The following MAST1 variants were observed in gnomAD, a reference collection of about 807,000 sequenced individuals.
The protein encoded by MAST1 is microtubule-associated serine/threonine-protein kinase 1.
In MAST1, 40 loss-of-function variants were observed where a neutral mutation model predicts 124.6. The observed-to-expected ratio is 0.32, with a 90% CI of 0.25 to 0.42. The LOEUF is 0.42. Ranked by LOEUF, MAST1 falls within the 10% of genes least tolerant of loss-of-function variation. The probability of loss-of-function intolerance (pLI) is 1.00; values close to 1 mark genes in which losing one functional copy is unlikely to be tolerated. For missense variants in MAST1, 1,558 were observed against 2,181.9 expected (o/e 0.71, Z 5.70); for synonymous variants, 938 against 939.4 (o/e 1.00, Z 0.03).
At chr19:12,872,605 GT>G in intron 24 of MAST1, 1 of 152,664 alleles carries the variant, frequency 6.6e-6, no homozygotes, top group Non-Finnish European at 1.5e-5. Context: ...AGAAGAGGTT[GT>G]TTTTGGCCGG....
chr19:12,872,007 T>C (rs982716281), intron 24 of MAST1, among the ~76,000 whole-genome samples: 2 of 150,232 alleles, frequency 1.3e-5, no homozygotes, highest in African/African-American at 4.9e-5. Flanking sequence ...GAGAAAAGCA[T>C]TGTAGGAGGG....
At chr19:12,848,238 C>G (rs1022731402) in intron 7 of MAST1, 181 bp downstream of exon 7, 88 of 602,522 alleles carry the variant, frequency 1.5e-4, no homozygotes, top group Non-Finnish European at 2.3e-4. Flanking sequence ...ACTGAAGAGG[C>G]AGGAATTTCA....
At chr19:12,870,983 G>C (rs569336418) in intron 23 of MAST1, 37 bp downstream of exon 23, 2 of 1,613,612 alleles carry the variant, frequency 1.2e-6, no homozygotes, top group Non-Finnish European at 1.7e-6. Flanking sequence ...GGCGGAGGGT[G>C]GGGGAGGCCT....
At chr19:12,851,700 G>A (rs1969961779) in intron 7 of MAST1, among the ~76,000 whole-genome samples, 1 of 152,062 alleles carries the variant, frequency 6.6e-6, no homozygotes, top group African/African-American at 2.4e-5. Context: ...TGGCCAGGCT[G>A]GTTTCAAACT....
rs754487571 is a variant in MAST1 at position 12,867,970 on chromosome 19, C to T, written c.2559C>T (p.Ser853=). 5.2e-6 allele frequency: 8 copies of T among 1,547,766 alleles called. No homozygotes were observed. The South Asian group carries it at 8.6e-5, about 17-fold the overall frequency. ...AAGGCACCTCCAGCGCCGGGGACTC[C>T]GAGGCCAGTGAGTGCCCTATCGTGC... ...QGEGTSSAGD[S]EATDRPRPGD... is the part of the protein sequence containing the mutation. Residue 853 remains serine (S), a synonymous_variant, in exon 20 of 26, where the codon TCC becomes TCT. Coordinates refer to ENST00000251472, the MANE Select transcript of MAST1 (RefSeq NM_014975.3).
intron 12 of MAST1, among the ~76,000 whole-genome samples, chr19:12,863,042 G>A (rs924151925): frequency 6.6e-6 from 1 of 151,402 alleles, no homozygotes. Flanking sequence ...CCAGCTACTC[G>A]GGAGGCTGAG....
chr19:12,874,781 G>A lies in MAST1; in HGVS notation c.4624G>A (p.Gly1542Arg). The change falls in exon 26 of 26, where the codon GGG becomes AGG. Residue 1542 changes from glycine to arginine, a missense_variant. Gly to Arg is a moderately radical substitution (Grantham distance 125, BLOSUM62 -2). Around this residue, in one of 10 missense-constraint regions of MAST1, gnomAD observed 168 missense variants for 154.3 expected, o/e 1.09. Coordinates refer to ENST00000251472, the MANE Select transcript of MAST1 (RefSeq NM_014975.3). This position sits in a 1 kb window ranked among gnomAD's most constrained non-coding sequence, Gnocchi z 6.6. The part of the protein sequence containing the change: ...LLGSGTKPQV[G>R]LTSRCPAEAV... ...GGGCTCAGGCACCAAGCCTCAAGTG[G>A]GGCTGACCTCCCGGTGCCCTGCTGA... 6.2e-7 allele frequency: 1 copy of A among 1,603,722 alleles called. No homozygotes were observed. The highest frequency in any genetic ancestry group is 8.5e-7 in the Non-Finnish European group (1 of 1,172,742).
rs966281399 is a variant in MAST1, at chr19:12,865,516, G to A, written c.1804+35G>A. ...TTGGCAGTGTACAGGGGCAGAGTGTGGTGTGCACGGAGAGATGGACAGGCT... is the reference window on the plus strand; with the variant it reads ...TTGGCAGTGTACAGGGGCAGAGTGTAGTGTGCACGGAGAGATGGACAGGCT... On this transcript the variant is annotated intron_variant, in intron 15 of 25. Transcript: ENST00000251472. The surrounding 1 kb of genome is among the most constrained non-coding windows in gnomAD (Gnocchi z 7.1). 2 of 1,545,574 alleles carry A rather than the reference G, an allele frequency of 1.3e-6. No homozygotes were observed. Among genetic ancestry groups the A allele is most frequent in the Non-Finnish European group, 1.7e-6 (2 of 1,146,316 alleles).
rs765116385 is a variant in MAST1 at position 12,838,583 on chromosome 19, C to G, written c.11C>G (p.Ser4Cys). The G allele has an allele frequency of 3.1e-6, 5 of 1,605,924 alleles. No individual in the cohort carries two copies. The highest frequency in any genetic ancestry group is 1.4e-5 in the African/African-American group (1 of 73,856). The stretch of plus-strand genomic sequence containing the variant: ...CGCCGCCGCCGGGTCATGTCTGACT[C>G]TCTCTGGACCGCGCTTTCTAATTTC... Reference protein sequence around the residue: MSDSLWTALSNFSM... With the variant: MSDCLWTALSNFSM... The change falls in exon 1 of 26, where the codon TCT becomes TGT. Residue 4 changes from serine to cysteine, a missense_variant. This residue lies in a region of MAST1 where 42 missense variants were observed against 54.6 expected (regional missense o/e 0.77). Coordinates refer to ENST00000251472, the MANE Select transcript of MAST1 (RefSeq NM_014975.3). This position sits in a 1 kb window ranked among gnomAD's most constrained non-coding sequence, Gnocchi z 4.3.
At chr19:12,849,243 C>G (rs1057070222) in intron 7 of MAST1, among the ~76,000 whole-genome samples, 1 of 152,056 alleles carries the variant, frequency 6.6e-6, no homozygotes, top group African/African-American at 2.4e-5. Flanking sequence ...GCTTGAATGT[C>G]CCTTTGCAGT....
Position 12,843,693 on chromosome 19 carries a change from C to A in MAST1, c.327+86C>A. ...GAAGACCCACACCCAGGCCAGCAGTCCAGGCTGGGCTTGATGACAGTTTAG... is the reference window on the plus strand; with the variant it reads ...GAAGACCCACACCCAGGCCAGCAGTACAGGCTGGGCTTGATGACAGTTTAG... On this transcript the variant is annotated intron_variant, in intron 4 of 25. Transcript: ENST00000251472. The surrounding 1 kb of genome is among the most constrained non-coding windows in gnomAD (Gnocchi z 4.9). 8.3e-7 allele frequency: 1 copy of A among 1,203,726 alleles called. No homozygotes were observed. Among genetic ancestry groups the A allele is most frequent in the South Asian group, 1.3e-5 (1 of 75,396 alleles). 74.6% of individuals were successfully genotyped at this position (1,203,726 alleles called of 1,614,324 possible). A position where few individuals can be genotyped will look rare whatever the true frequency, so the allele number is the denominator to read the frequency against.
At chr19:12,871,199 C>A (rs776519982) in intron 24 of MAST1, 27 bp downstream of exon 24, 3 of 1,613,254 alleles carry the variant, frequency 1.9e-6, no homozygotes, top group Non-Finnish European at 2.5e-6. Context: ...ACAGCCTGGT[C>A]TTTGAGCAGT....
intron 10 of MAST1, among the ~76,000 whole-genome samples, chr19:12,857,642 G>C (rs1365540996): frequency 6.6e-6 from 1 of 151,284 alleles, no homozygotes; most frequent in African/African-American, 2.4e-5. Flanking sequence ...TCGATCTCCT[G>C]ACCGCATGAT....
In MAST1 at chr19:12,865,274, G is replaced by T. The variant is rs759908239; in HGVS notation, c.1639-42G>T. The T allele has an allele frequency of 6.3e-7, 1 of 1,579,574 alleles. No homozygotes were observed. The highest frequency in any genetic ancestry group is 8.6e-7 in the Non-Finnish European group (1 of 1,162,400). ...TGGGGGGCACAGCTCTCCCTTGAGG[G>T]CCCTCCTCTGGCTGGGGCGTGGGCT... On this transcript the variant is annotated intron_variant, in intron 14 of 25. Coordinates refer to ENST00000251472, the MANE Select transcript of MAST1 (RefSeq NM_014975.3). This position sits in a 1 kb window ranked among gnomAD's most constrained non-coding sequence, Gnocchi z 7.1.
Position 12,841,204 on chromosome 19 carries a change from G to A in MAST1, c.248+138G>A, listed in dbSNP as rs1056145627. 24 of 588,690 alleles carry A rather than the reference G, an allele frequency of 4.1e-5. No homozygotes were observed. Among genetic ancestry groups the A allele is most frequent in the Non-Finnish European group, 7.1e-5 (23 of 322,682 alleles). 36.5% of individuals were successfully genotyped at this position (588,690 alleles called of 1,614,324 possible). A position where few individuals can be genotyped will look rare whatever the true frequency, so the allele number is the denominator to read the frequency against. ...CAGCGAGTGCCCCAAGGTCTCAGCG[G>A]GAAGGAGCGCCTAGCCTTCGGGGCG... On this transcript the variant is annotated intron_variant, in intron 3 of 25. Coordinates refer to ENST00000251472, the MANE Select transcript of MAST1 (RefSeq NM_014975.3). This position sits in a 1 kb window ranked among gnomAD's most constrained non-coding sequence, Gnocchi z 4.3.
chr19:12,870,485 T>C (rs1202726005), intron 22 of MAST1, among the ~76,000 whole-genome samples: 22 of 94,978 alleles, frequency 2.3e-4, no homozygotes, highest in Admixed American at 5.1e-4. Flanking sequence ...AGCGAGAGAC[T>C]CCGTCTCAAA....
chr19:12,842,143 G>T (rs1306541949), intron 3 of MAST1, among the ~76,000 whole-genome samples: 2 of 152,136 alleles, frequency 1.3e-5, no homozygotes, highest in African/African-American at 2.4e-5. Context: ...CTGTAGGATT[G>T]TAAGTGTCTG....
chr19:12,867,864 G>A lies in MAST1; in HGVS notation c.2453G>A (p.Arg818Gln), dbSNP rs201704823. Residue 818 changes from arginine to glutamine, a missense_variant, in exon 20 of 26, where the codon CGG (arginine) becomes CAG (glutamine). This residue lies in a region of MAST1 where 287 missense variants were observed against 308.0 expected (regional missense o/e 0.93). Transcript: ENST00000251472. ...SAPQEDEDEA[R>Q]LRRPPRPSSD... Reference sequence around the variant, plus strand: ...CCCCAAGAGGACGAGGATGAGGCCCGGCTGCGCAGGCCTCCCCGGCCCAGC... The same window carrying A: ...CCCCAAGAGGACGAGGATGAGGCCCAGCTGCGCAGGCCTCCCCGGCCCAGC... 3.1e-6 allele frequency: 5 copies of A among 1,606,828 alleles called. No individual in the cohort carries two copies. Among genetic ancestry groups the A allele is most frequent in the East Asian group, 2.2e-5 (1 of 44,606 alleles).
chr19:12,865,899 G>T lies in MAST1; in HGVS notation c.1906+81G>T. 6.2e-7 allele frequency: 1 copy of T among 1,607,106 alleles called. No homozygotes were observed. Among genetic ancestry groups the T allele is most frequent in the Non-Finnish European group, 8.5e-7 (1 of 1,175,498 alleles). On this transcript the variant is annotated intron_variant, in intron 16 of 25. Transcript: ENST00000251472. The surrounding 1 kb of genome is among the most constrained non-coding windows in gnomAD (Gnocchi z 7.1). ...AACCCCAGGCCCAGCCTGTGCTGTGGCCCCGGGGCGGAAGACATGGGGGGC... is the reference window on the plus strand; with the variant it reads ...AACCCCAGGCCCAGCCTGTGCTGTGTCCCCGGGGCGGAAGACATGGGGGGC...
Sources: gnomAD v4.1 joint callset for allele counts (sites outside exome capture counted in the v4.1 genomes callset) on GRCh38, gnomAD v4.1.1 for gene constraint, gnomAD v4.1.1 regional missense constraint, Gnocchi (gnomAD v3.1) non-coding constraint, MANE v1.5 for transcripts, NCBI Gene and HGNC (gene_info 2026-07-23, HGNC 2026-07-21) for gene names.